The following VPS13B variants were observed in gnomAD, a reference collection of about 807,000 sequenced individuals.
The protein encoded by VPS13B is intermembrane lipid transfer protein VPS13B.
In VPS13B, 285 loss-of-function variants were observed where a neutral mutation model predicts 426.4. The ratio of observed to expected loss-of-function variants is 0.67; its 90% confidence interval spans 0.61 to 0.74. The LOEUF is 0.74. VPS13B is among the 30% of genes least tolerant of loss of function. VPS13B has a pLI of 0.00. For synonymous variants in VPS13B, 1,676 were observed against 1,676.4 expected (o/e 1.00, Z 0.01); for missense variants, 4,537 against 4,782.6 (o/e 0.95, Z 1.51).
At chr8:99,225,216 T>C (rs1815947743) in intron 17 of VPS13B, among the ~76,000 whole-genome samples, 2 of 152,240 alleles carry the variant, frequency 1.3e-5, no homozygotes, top group African/African-American at 4.8e-5. Flanking sequence ...GACATTTATT[T>C]GAATATGCCA....
chr8:99,130,278 T>G (rs1367411986), intron 8 of VPS13B, among the ~76,000 whole-genome samples: 1 of 152,232 alleles, frequency 6.6e-6, no homozygotes, highest in African/African-American at 2.4e-5. Context: ...CAAGATCATG[T>G]TTCTACATTA....
At chr8:99,326,447 G>A (rs1810263427) in intron 19 of VPS13B, among the ~76,000 whole-genome samples, 1 of 31,336 alleles carries the variant, frequency 3.2e-5, no homozygotes, top group Non-Finnish European at 6.9e-5. Flanking sequence ...ATCATCTCTA[G>A]GTAGCTTTTT....
chr8:99,151,616 C>A (rs1482381475), intron 14 of VPS13B, among the ~76,000 whole-genome samples: 2 of 152,050 alleles, frequency 1.3e-5, no homozygotes, highest in Admixed American at 1.3e-4. Context: ...TCACAGCAAC[C>A]TCCACCTCCC....
chr8:99,447,785 G>A (rs1337544374), intron 23 of VPS13B, among the ~76,000 whole-genome samples: 1 of 151,734 alleles, frequency 6.6e-6, no homozygotes, highest in Non-Finnish European at 1.5e-5. Flanking sequence ...ATTTTTTTAG[G>A]AGAGGGATCA....
In VPS13B at chr8:99,053,261, G is replaced by T. The variant is rs186873859; in HGVS notation, c.291+14695G>T. Among the ~76,000 whole-genome samples the T allele has an allele frequency of 3.6e-3, 547 of 152,006 alleles. 4 individuals carry two copies. Among genetic ancestry groups the T allele is most frequent in the African/African-American group, 0.013 (523 of 41,464 alleles). On this transcript the variant is annotated intron_variant, in intron 3 of 61. Coordinates refer to ENST00000357162, the MANE Select transcript of VPS13B (RefSeq NM_152564.5). ...CCCATTAACTCGTCATTAAGCATTA[G>T]GTATATCTCCTAATGCTATCCCTCC...
At position 99,347,474 on chromosome 8, in the gene VPS13B, G is replaced by A. The variant is rs142929167; in HGVS notation, c.2825-36734G>A. The A allele has an allele frequency of 4.1e-3, 621 of 153,168 alleles. 1 individual carries two copies. Among genetic ancestry groups the A allele is most frequent in the Non-Finnish European group, 7.1e-3 (488 of 68,548 alleles). 9.5% of individuals were successfully genotyped at this position (153,168 alleles called of 1,614,324 possible). ...TCTTACCCAGTTATTGCTTTATTCC[G>A]TGGTTCTAAGAGAACACTGAGGGCC... On this transcript the variant is annotated intron_variant, in intron 19 of 61. Transcript: ENST00000357162.
intron 19 of VPS13B, among the ~76,000 whole-genome samples, chr8:99,370,090 A>G (rs1371684087): frequency 6.6e-6 from 1 of 152,166 alleles, no homozygotes; most frequent in African/African-American, 2.4e-5. Context: ...TTAAAGACAG[A>G]TATAATAATA....
At position 99,341,301 on chromosome 8, in the gene VPS13B, T is replaced by C. The variant is rs189017339; in HGVS notation, c.2825-42907T>C. 1.7e-4 allele frequency: 29 copies of C among 169,028 alleles called. No homozygotes were observed. The East Asian group carries it at 3.8e-3, about 22-fold the overall frequency. The allele number at this position is 169,028 out of a possible 1,614,324, so 10.5% of individuals were successfully genotyped here. ...CTCATTAACTGTTTCCTTCTGTTAATGTAGTAACGATCACTCTCAAGCTGC... is the reference window on the plus strand; with the variant it reads ...CTCATTAACTGTTTCCTTCTGTTAACGTAGTAACGATCACTCTCAAGCTGC... On this transcript the variant is annotated intron_variant, in intron 19 of 61. Transcript: ENST00000357162.
chr8:99,065,651 C>T (rs1440786512), intron 3 of VPS13B, among the ~76,000 whole-genome samples: 2 of 152,084 alleles, frequency 1.3e-5, no homozygotes, highest in African/African-American at 4.8e-5. Context: ...GAAGTTCTGG[C>T]CAGAGCAATC....
chr8:99,507,793 T>C lies in VPS13B; in HGVS notation c.4224+590T>C, dbSNP rs1478521969. On this transcript the variant is annotated intron_variant, in intron 28 of 61. Coordinates refer to ENST00000357162, the MANE Select transcript of VPS13B (RefSeq NM_152564.5). ...AGCCTTGGGGAAGAGTGTTGGTCTTTGGGGCAATGTGGAGGTGTCTTCCTT... is the reference window on the plus strand; with the variant it reads ...AGCCTTGGGGAAGAGTGTTGGTCTTCGGGGCAATGTGGAGGTGTCTTCCTT... 4.3e-6 allele frequency: 7 copies of C among 1,613,998 alleles called. No individual in the cohort carries two copies. The Admixed American group carries it at 5.0e-5, about 12-fold the overall frequency.
Position 99,817,729 on chromosome 8 carries a change from G to A in VPS13B, c.8287G>A (p.Ala2763Thr). The A allele has an allele frequency of 6.2e-7, 1 of 1,614,122 alleles. No individual in the cohort carries two copies. Among genetic ancestry groups the A allele is most frequent in the Non-Finnish European group, 8.5e-7 (1 of 1,180,006 alleles). The change falls in exon 45 of 62, where the codon GCC becomes ACC. Residue 2763 changes from alanine to threonine, a missense_variant. Around this residue, in one of 2 missense-constraint regions of VPS13B, gnomAD observed 4,311 missense variants for 4,474.3 expected, o/e 0.96. Coordinates refer to ENST00000357162, the MANE Select transcript of VPS13B (RefSeq NM_152564.5). ...NNELTELCVK[A>T]KGDEDWSRDV... ...TGAACTGACGGAGCTGTGTGTGAAGGCCAAAGGAGATGAAGACTGGTCAAG... is the reference window on the plus strand; with the variant it reads ...TGAACTGACGGAGCTGTGTGTGAAGACCAAAGGAGATGAAGACTGGTCAAG...
chr8:99,628,619 CACA>C (rs1025528527), intron 33 of VPS13B, among the ~76,000 whole-genome samples: 7 of 152,184 alleles, frequency 4.6e-5, no homozygotes, highest in African/African-American at 9.6e-5. Flanking sequence ...TGTGGACAAC[CACA>C]ACAACAAAAA....
rs928726736 is a variant in VPS13B, at chr8:99,737,090, C to A, written c.7050+16043C>A. ...TGAATTTGAAGTGTTTCAGGAAAGC[C>A]TTTGAAGATGTCCTTCTTTTTTTTT... On this transcript the variant is annotated intron_variant, in intron 39 of 61. Coordinates refer to ENST00000357162, the MANE Select transcript of VPS13B (RefSeq NM_152564.5). Among the ~76,000 whole-genome samples, 5 of 115,208 alleles carry A rather than the reference C, an allele frequency of 4.3e-5. No homozygotes were observed. The Admixed American group carries it at 4.7e-4, about 11-fold the overall frequency. The allele number at this position is 115,208 out of a possible 152,430, so 75.6% of individuals were successfully genotyped here.
intron 19 of VPS13B, among the ~76,000 whole-genome samples, chr8:99,318,189 A>G (rs1418548812): frequency 6.6e-6 from 1 of 152,182 alleles, no homozygotes; most frequent in Non-Finnish European, 1.5e-5. Flanking sequence ...CCAAAAGACT[A>G]TTTTGAGTAG....
At chr8:99,250,710 G>T (rs1588174564) in intron 17 of VPS13B, among the ~76,000 whole-genome samples, 2 of 90,286 alleles carry the variant, frequency 2.2e-5, no homozygotes, top group South Asian at 3.8e-4. Context: ...TTTGAGACAA[G>T]GTCTTGCTCT....
At chr8:99,055,029 TTC>T (rs564167021) in intron 3 of VPS13B, among the ~76,000 whole-genome samples, 66 of 133,540 alleles carry the variant, frequency 4.9e-4, no homozygotes, top group African/African-American at 1.7e-3. Context: ...TATTTTGTAT[TTC>T]TGTTTTTTTT....
chr8:99,180,298 C>A (rs187551281), intron 16 of VPS13B, among the ~76,000 whole-genome samples: 2 of 152,218 alleles, frequency 1.3e-5, no homozygotes, highest in Admixed American at 6.5e-5. Flanking sequence ...ATAGGCCATT[C>A]CCTCCAGAGA....
chr8:99,456,880 T>G (rs991949911), intron 23 of VPS13B, among the ~76,000 whole-genome samples: 1 of 152,206 alleles, frequency 6.6e-6, no homozygotes, highest in South Asian at 2.1e-4. Context: ...ATTCTTTCCT[T>G]AAATGTTTGA....
At chr8:99,571,167 C>T (rs1825454937) in intron 31 of VPS13B, among the ~76,000 whole-genome samples, 1 of 152,094 alleles carries the variant, frequency 6.6e-6, no homozygotes, top group Non-Finnish European at 1.5e-5. Context: ...TGCTGACCCT[C>T]TCAATTTAAT....
Sources: allele counts gnomAD v4.1 joint callset (sites outside exome capture counted in the v4.1 genomes callset), GRCh38; gene constraint gnomAD v4.1.1; regional missense constraint gnomAD v4.1.1; transcripts MANE v1.5; gene names NCBI Gene and HGNC (gene_info 2026-07-23, HGNC 2026-07-21).